HS1BP3: variants seen among roughly 807,000 people sequenced by gnomAD.
HS1BP3 encodes the protein HCLS1-binding protein 3.
In HS1BP3, 32 loss-of-function variants were observed where a neutral mutation model predicts 33.5. That is an observed-to-expected ratio of 0.95 (90% CI 0.72 to 1.28). The LOEUF (loss-of-function observed/expected upper bound fraction) is 1.28. HS1BP3 is among the 50% of genes most tolerant of loss of function. The probability of loss-of-function intolerance (pLI) is 0.00; values close to 1 mark genes in which losing one functional copy is unlikely to be tolerated. For missense variants in HS1BP3, 486 were observed against 502.3 expected (o/e 0.97, Z 0.31); for synonymous variants, 187 against 209.2 (o/e 0.89, Z 0.92).
At chr2:20,571,818 G>A (rs1693281714) in intron 5 of HS1BP3, among the ~76,000 whole-genome samples, 1 of 152,246 alleles carries the variant, frequency 6.6e-6, no homozygotes, top group Non-Finnish European at 1.5e-5. Flanking sequence ...TCGAAGTAGA[G>A]CCTGGTATCT....
downstream of HS1BP3, among the ~76,000 whole-genome samples, chr2:20,615,552 C>A (rs116398667): frequency 6.7e-3 from 1,013 of 152,326 alleles, 15 homozygotes; most frequent in African/African-American, 0.023. Flanking sequence ...TTGCTCTGGG[C>A]AGCTGTGAAC....
At chr2:20,639,290 GGTAA>G (rs1267266003) in intron 3 of HS1BP3, among the ~76,000 whole-genome samples, 4 of 152,230 alleles carry the variant, frequency 2.6e-5, no homozygotes, top group Admixed American at 2.6e-4. Context: ...ACCACAATGA[GGTAA>G]GTAGAGAAAG....
intron 5 of HS1BP3, among the ~76,000 whole-genome samples, chr2:20,579,346 G>A (rs144863174): frequency 6.6e-6 from 1 of 152,244 alleles, no homozygotes; most frequent in Non-Finnish European, 1.5e-5. Context: ...CTGTTAGTGG[G>A]CCGTGAGCCT....
intron 5 of HS1BP3, chr2:20,586,656 A>T (rs932339277): frequency 6.6e-6 from 1 of 152,238 alleles, no homozygotes; most frequent in African/African-American, 2.4e-5. Context: ...GCTTTGGTAC[A>T]TTCAAAGCCT....
At chr2:20,596,553 G>T (rs1693947313) in intron 3 of HS1BP3, among the ~76,000 whole-genome samples, 1 of 152,224 alleles carries the variant, frequency 6.6e-6, no homozygotes, top group South Asian at 2.1e-4. Context: ...ATCAACTGAT[G>T]CCTTGACCTT....
intron 5 of HS1BP3, among the ~76,000 whole-genome samples, chr2:20,571,963 C>T (rs1693285404): frequency 1.3e-5 from 2 of 152,248 alleles, no homozygotes; most frequent in Admixed American, 6.5e-5. Context: ...TCCCCGCAGG[C>T]CTGCTCCCCT....
downstream of HS1BP3, among the ~76,000 whole-genome samples, chr2:20,613,800 G>A (rs531894591): frequency 5.9e-5 from 9 of 152,216 alleles, no homozygotes; most frequent in Non-Finnish European, 1.0e-4. Context: ...ACACAGGGAT[G>A]GCACAGGGGG....
At chr2:20,596,716 T>C (rs1693950588) in intron 3 of HS1BP3, among the ~76,000 whole-genome samples, 1 of 152,228 alleles carries the variant, frequency 6.6e-6, no homozygotes, top group South Asian at 2.1e-4. Flanking sequence ...TGGTCCCTTC[T>C]TCCCCTTTCT....
chr2:20,603,773 A>G (rs1694117915), intron 2 of HS1BP3, among the ~76,000 whole-genome samples: 1 of 152,244 alleles, frequency 6.6e-6, no homozygotes, highest in African/African-American at 2.4e-5. Context: ...TAAAAAACAT[A>G]ATGGAAGCCA....
chr2:20,593,743 GGGAACTGTGTATGAA>G (rs1367319620), intron 3 of HS1BP3, among the ~76,000 whole-genome samples: 2 of 152,190 alleles, frequency 1.3e-5, no homozygotes, highest in Non-Finnish European at 2.9e-5. Context: ...AGTGTGTGCA[GGGAACTGTGTATGAA>G]GGTCAGGCCT....
At chr2:20,643,369 C>G (rs987018389) in intron 2 of HS1BP3, among the ~76,000 whole-genome samples, 1 of 152,146 alleles carries the variant, frequency 6.6e-6, no homozygotes, top group Non-Finnish European at 1.5e-5. Context: ...CTTCATGCCC[C>G]GCAACATCAA....
intron 5 of HS1BP3, among the ~76,000 whole-genome samples, chr2:20,582,278 A>C (rs1484645843): frequency 6.6e-6 from 1 of 152,202 alleles, no homozygotes; most frequent in African/African-American, 2.4e-5. Flanking sequence ...TCCTGTGCTC[A>C]GAGCCTCTGG....
At chr2:20,648,813 A>C (rs1695596004) in intron 1 of HS1BP3, among the ~76,000 whole-genome samples, 1 of 152,154 alleles carries the variant, frequency 6.6e-6, no homozygotes, top group Non-Finnish European at 1.5e-5. Context: ...ACCTGTCTAC[A>C]CAAATGCTGC....
At chr2:20,567,550 C>T (rs1021214111) in intron 5 of HS1BP3, among the ~76,000 whole-genome samples, 30 of 151,984 alleles carry the variant, frequency 2.0e-4, no homozygotes, top group African/African-American at 6.8e-4. Context: ...AGGGGGTCTG[C>T]GATCAGCCAG....
chr2:20,614,638 G>A (rs1694382119), downstream of HS1BP3, among the ~76,000 whole-genome samples: 1 of 152,220 alleles, frequency 6.6e-6, no homozygotes, highest in South Asian at 2.1e-4. Context: ...GTTTATGGAT[G>A]AGCTCTGCAT....
chr2:20,582,629 G>A (rs1335314454), intron 5 of HS1BP3, among the ~76,000 whole-genome samples: 1 of 152,096 alleles, frequency 6.6e-6, no homozygotes, highest in Non-Finnish European at 1.5e-5. Flanking sequence ...CTTGGCATCA[G>A]GGGACCCCAC....
chr2:20,600,162 C>T (rs537823581), intron 2 of HS1BP3, among the ~76,000 whole-genome samples: 18 of 152,246 alleles, frequency 1.2e-4, no homozygotes, highest in Non-Finnish European at 1.5e-4. Context: ...TTTCTTGCCA[C>T]GCTTGGGAAT....
At chr2:20,565,109 T>A (rs1385188991) in intron 5 of HS1BP3, among the ~76,000 whole-genome samples, 8 of 152,044 alleles carry the variant, frequency 5.3e-5, no homozygotes, top group Admixed American at 5.2e-4. Context: ...CAGCAGCAGG[T>A]CCAACAGTCT....
intron 1 of HS1BP3, among the ~76,000 whole-genome samples, chr2:20,647,384 G>A (rs963315016): frequency 3.0e-4 from 46 of 152,166 alleles, no homozygotes; most frequent in African/African-American, 1.0e-3. Flanking sequence ...GTGGCTCAAC[G>A]TGACTGGGGA....
Sources: allele counts gnomAD v4.1 joint callset (sites outside exome capture counted in the v4.1 genomes callset), GRCh38; gene constraint gnomAD v4.1.1; transcripts MANE v1.5; gene names NCBI Gene and HGNC (gene_info 2026-07-23, HGNC 2026-07-21).